The following MROH9 variants were observed in gnomAD, a reference collection of about 807,000 sequenced individuals.
MROH9 encodes the protein maestro heat like repeat family member 9.
Under a neutral mutation model 98.2 loss-of-function variants are expected in MROH9, and 92 were observed. That is an observed-to-expected ratio of 0.94 (90% CI 0.79 to 1.11). MROH9 has a LOEUF of 1.11. MROH9 is among the 50% of genes most tolerant of loss of function. MROH9 has a pLI of 0.00. For missense variants in MROH9, 1,057 were observed against 1,014.8 expected (o/e 1.04, Z -0.57); for synonymous variants, 397 against 368.9 (o/e 1.08, Z -0.87).
At chr1:171,031,839 G>T (rs1005847228) in intron 20 of MROH9, among the ~76,000 whole-genome samples, 1 of 152,160 alleles carries the variant, frequency 6.6e-6, no homozygotes, top group African/African-American at 2.4e-5. Context: ...GCTAGGTTGG[G>T]AAAGTCCTCC....
At chr1:171,041,408 T>TATACAC (rs1553222180) in intron 20 of MROH9, among the ~76,000 whole-genome samples, 5 of 102,972 alleles carry the variant, frequency 4.9e-5, no homozygotes, top group Admixed American at 9.5e-5. Context: ...TCAAGATACA[T>TATACAC]ACACACACAC....
At chr1:170,980,440 T>C (rs1557883008) in intron 8 of MROH9, among the ~76,000 whole-genome samples, 1 of 151,992 alleles carries the variant, frequency 6.6e-6, no homozygotes, top group African/African-American at 2.4e-5. Context: ...CAATGCAACA[T>C]AACAGAGACA....
chr1:170,987,686 GT>G (rs1651195614), intron 10 of MROH9, among the ~76,000 whole-genome samples: 1 of 152,134 alleles, frequency 6.6e-6, no homozygotes, highest in Non-Finnish European at 1.5e-5. Context: ...TGCTATTTGT[GT>G]TTCACAGCTC....
At chr1:171,039,936 T>C (rs920219300) in intron 20 of MROH9, among the ~76,000 whole-genome samples, 29 of 152,154 alleles carry the variant, frequency 1.9e-4, no homozygotes, top group Admixed American at 1.8e-3. Flanking sequence ...TCATGTGATT[T>C]TTGTGGTCAC....
chr1:171,028,690 T>C (rs1272852129), intron 20 of MROH9, among the ~76,000 whole-genome samples: 4 of 152,208 alleles, frequency 2.6e-5, no homozygotes, highest in Non-Finnish European at 5.9e-5. Flanking sequence ...GTTTGTGTCC[T>C]CTCTGATTTC....
chr1:171,011,228 C>T (rs1652145712), intron 15 of MROH9, among the ~76,000 whole-genome samples: 1 of 152,038 alleles, frequency 6.6e-6, no homozygotes, highest in African/African-American at 2.4e-5. Flanking sequence ...TCTGCAAGCC[C>T]TAATGTGATA....
Position 170,958,426 on chromosome 1 carries a change from CTTCT to C in MROH9, c.73-32_73-29del, listed in dbSNP as rs773450895. On this transcript the variant is annotated intron_variant, in intron 3 of 21. Transcript: ENST00000367759. ...TCTCACTGCTCTGTAATCATTAATT[CTTCT>C]TTTTTTTTTTTTTTTTAACATGGTA... 43 of 1,147,036 alleles carry C rather than the reference CTTCT, an allele frequency of 3.7e-5. No individual in the cohort carries two copies. The Admixed American group carries it at 5.1e-4, about 13-fold the overall frequency. 71.1% of individuals were successfully genotyped at this position (1,147,036 alleles called of 1,614,324 possible). A position where few individuals can be genotyped will look rare whatever the true frequency, so the allele number is the denominator to read the frequency against.
intron 7 of MROH9, among the ~76,000 whole-genome samples, chr1:170,969,479 T>C (rs1281993847): frequency 6.6e-6 from 1 of 152,182 alleles, no homozygotes; most frequent in Admixed American, 6.5e-5. Context: ...AATAATATAC[T>C]ATGATGAGTA....
chr1:170,959,531 T>C lies in MROH9; in HGVS notation c.222T>C (p.Val74=), dbSNP rs377743763. ...KIIESSFGML[V]VMPSLDKVKE... is the part of the protein sequence containing the mutation. ...TAGAGTCATCCTTTGGAATGCTAGTTGTCATGCCAAGTCTTGACAAAGTAA... is the reference window on the plus strand; with the variant it reads ...TAGAGTCATCCTTTGGAATGCTAGTCGTCATGCCAAGTCTTGACAAAGTAA... Residue 74 remains valine, a synonymous_variant, in exon 5 of 22, where the codon GTT becomes GTC. Coordinates refer to ENST00000367759, the MANE Select transcript of MROH9 (RefSeq NM_001163629.2). 8.4e-5 allele frequency: 136 copies of C among 1,613,790 alleles called. No individual in the cohort carries two copies. The African/African-American group carries it at 1.7e-3, about 20-fold the overall frequency.
At chr1:171,038,889 T>C (rs1214875358) in intron 20 of MROH9, among the ~76,000 whole-genome samples, 2 of 151,916 alleles carry the variant, frequency 1.3e-5, no homozygotes, top group Admixed American at 6.6e-5. Context: ...ATTTAAAAAG[T>C]GAGAGATCTC....
Position 171,024,420 on chromosome 1 carries a change from C to A in MROH9, c.1934C>A (p.Ala645Glu), listed in dbSNP as rs1248295292. 6.4e-7 allele frequency: 1 copy of A among 1,550,972 alleles called. No homozygotes were observed. Among genetic ancestry groups the A allele is most frequent in the Admixed American group, 2.0e-5 (1 of 50,926 alleles). Residue 645 changes from alanine to glutamate, a missense_variant, in exon 18 of 22, where the codon GCA becomes GAA. Physicochemically the swap from Ala to Glu is moderately radical, Grantham distance 107. Transcript: ENST00000367759. ...DHINGGIRSM[A>E]IRHFGQLVRD... is the part of the protein sequence containing the mutation. ...ATTAATGGAGGCATTCGAAGTATGG[C>A]AATTCGACACTTTGGTCAATTAGTT...
chr1:171,019,314 C>A (rs573276745), intron 17 of MROH9, among the ~76,000 whole-genome samples: 4 of 152,214 alleles, frequency 2.6e-5, no homozygotes, highest in Non-Finnish European at 4.4e-5. Flanking sequence ...ACAGCTACAG[C>A]GGTGTTGAGA....
At chr1:171,049,699 T>C (rs79128434) in intron 20 of MROH9, among the ~76,000 whole-genome samples, 1 of 151,914 alleles carries the variant, frequency 6.6e-6, no homozygotes, top group Admixed American at 6.5e-5. Context: ...TTTTTTTTTT[T>C]ATTTGAGACA....
chr1:170,955,915 C>T (rs987504292), intron 3 of MROH9, among the ~76,000 whole-genome samples: 12 of 152,136 alleles, frequency 7.9e-5, no homozygotes, highest in Non-Finnish European at 1.5e-4. Flanking sequence ...AAGGGTTTTT[C>T]CAATGTTATC....
intron 9 of MROH9, among the ~76,000 whole-genome samples, chr1:170,984,541 C>T (rs1208207728): frequency 6.6e-6 from 1 of 152,182 alleles, no homozygotes; most frequent in African/African-American, 2.4e-5. Context: ...CCTCATCCTT[C>T]CATCCTCCAC....
intron 8 of MROH9, among the ~76,000 whole-genome samples, chr1:170,979,199 T>C (rs973085350): frequency 6.6e-6 from 1 of 152,234 alleles, no homozygotes; most frequent in Non-Finnish European, 1.5e-5. Flanking sequence ...AATCACTTTA[T>C]TGCAGTGATC....
intron 7 of MROH9, 57 bp downstream of exon 7, chr1:170,965,312 C>A: frequency 8.4e-7 from 1 of 1,193,542 alleles, no homozygotes; most frequent in Non-Finnish European, 1.2e-6. Context: ...TTCCATAGTG[C>A]TGCTTTCCAT....
At chr1:170,937,117 C>T (rs1165313164) in intron 1 of MROH9, among the ~76,000 whole-genome samples, 1 of 152,206 alleles carries the variant, frequency 6.6e-6, no homozygotes, top group East Asian at 1.9e-4. Context: ...AGGACTCCAG[C>T]TCTTTCTCTT....
chr1:170,995,517 C>A lies in MROH9; in HGVS notation c.1323C>A (p.Leu441=), dbSNP rs1271475229. Reference sequence around the variant, plus strand: ...ACAACAGTGAGCTGAAACCGATACTCAAGGACAGGGCTTTGTGAGTTAAAA... The same window carrying A: ...ACAACAGTGAGCTGAAACCGATACTAAAGGACAGGGCTTTGTGAGTTAAAA... The part of the protein sequence containing the change: ...VFYNSELKPI[L]KDRALYAQDA... The change falls in exon 13 of 22, where the codon CTC becomes CTA. Residue 441 remains leucine, a synonymous_variant. Coordinates refer to ENST00000367759, the MANE Select transcript of MROH9 (RefSeq NM_001163629.2). 1 of 1,613,056 alleles carries A rather than the reference C, an allele frequency of 6.2e-7. No individual in the cohort carries two copies. Among genetic ancestry groups the A allele is most frequent in the Non-Finnish European group, 8.5e-7 (1 of 1,179,442 alleles).
Sources: allele counts gnomAD v4.1 joint callset (sites outside exome capture counted in the v4.1 genomes callset), GRCh38; gene constraint gnomAD v4.1.1; transcripts MANE v1.5; gene names NCBI Gene and HGNC (gene_info 2026-07-23, HGNC 2026-07-21).